PHACTR2: variants seen among roughly 807,000 people sequenced by gnomAD.
PHACTR2 encodes chromosome 6 open reading frame 56.
Under a neutral mutation model 76.0 loss-of-function variants are expected in PHACTR2, and 30 were observed. The ratio of observed to expected loss-of-function variants is 0.39; its 90% confidence interval spans 0.30 to 0.54. The LOEUF (loss-of-function observed/expected upper bound fraction) is 0.54. Ranked by LOEUF, PHACTR2 falls within the 20% of genes least tolerant of loss-of-function variation. PHACTR2 has a pLI of 0.61. For synonymous variants in PHACTR2, 292 were observed against 292.5 expected, an observed-to-expected ratio of 1.00 and a Z score of 0.02; for missense variants, 696 against 781.1, an observed-to-expected ratio of 0.89 and a Z score of 1.30.
rs1477131454 is a variant in PHACTR2, at chr6:143,765,862, G to A, written c.1232+64G>A. 1 of 1,366,414 alleles carries A rather than the reference G, an allele frequency of 7.3e-7. No individual in the cohort carries two copies. The highest frequency in any genetic ancestry group is 1.4e-5 in the African/African-American group (1 of 69,046). 84.6% of individuals were successfully genotyped at this position (1,366,414 alleles called of 1,614,324 possible). A position where few individuals can be genotyped will look rare whatever the true frequency, so the allele number is the denominator to read the frequency against. On this transcript the variant is annotated intron_variant, in intron 6 of 12. Transcript: ENST00000440869. This position sits in a 1 kb window ranked among gnomAD's most constrained non-coding sequence, Gnocchi z 4.1. ...TAAAGATCACTAATATATTCTGTTG[G>A]AAATGAAGCACCGGGTTTGCTTTCT...
At position 143,646,920 on chromosome 6, in the gene PHACTR2, C is replaced by T. The variant is rs186164422; in HGVS notation, c.13+38598C>T. On this transcript the variant is annotated intron_variant, in intron 1 of 11. Transcript: ENST00000305766. This position sits in a 1 kb window ranked among gnomAD's most constrained non-coding sequence, Gnocchi z 4.1. ...TTCTAACATAACAGTCTTCTGATCACGATGATTCTCTATAATCAACATTTC... is the reference window on the plus strand; with the variant it reads ...TTCTAACATAACAGTCTTCTGATCATGATGATTCTCTATAATCAACATTTC... Among the ~76,000 whole-genome samples, 7 of 152,312 alleles carry T rather than the reference C, an allele frequency of 4.6e-5. No individual in the cohort carries two copies. The highest frequency in any genetic ancestry group is 3.9e-4 in the East Asian group (2 of 5,192).
chr6:143,677,103 T>C (rs1041012313), upstream of PHACTR2, among the ~76,000 whole-genome samples: 1 of 152,184 alleles, frequency 6.6e-6, no homozygotes, highest in Non-Finnish European at 1.5e-5. Flanking sequence ...TTCAGCAAAG[T>C]GCACACATCA....
At chr6:143,691,329 C>T (rs1485973093) in intron 1 of PHACTR2, among the ~76,000 whole-genome samples, 1 of 151,850 alleles carries the variant, frequency 6.6e-6, no homozygotes, top group Non-Finnish European at 1.5e-5. Context: ...GTGTGTCTTT[C>T]TCTTTACTTG....
chr6:143,729,780 T>C (rs768688747), intron 2 of PHACTR2, among the ~76,000 whole-genome samples: 7 of 152,200 alleles, frequency 4.6e-5, no homozygotes, highest in Non-Finnish European at 1.0e-4. Flanking sequence ...TACTTGGTGA[T>C]ATTTTCTGCC....
In PHACTR2 at chr6:143,794,996, T is replaced by C. The variant is rs1245915511; in HGVS notation, c.1845+6086T>C. ...TTCTGTGAAGGAGGAAGGCCCTTGC[T>C]GGTTGTGGTGGGGAATCTCCGGAAT... On this transcript the variant is annotated intron_variant, in intron 11 of 12. Transcript: ENST00000440869. The surrounding 1 kb of genome is among the most constrained non-coding windows in gnomAD (Gnocchi z 4.1). Among the ~76,000 whole-genome samples, 9 of 152,218 alleles carry C rather than the reference T, an allele frequency of 5.9e-5. No individual in the cohort carries two copies. The East Asian group carries it at 1.3e-3, about 23-fold the overall frequency.
At chr6:143,693,033 A>C (rs1777682097) in intron 1 of PHACTR2, among the ~76,000 whole-genome samples, 1 of 152,140 alleles carries the variant, frequency 6.6e-6, no homozygotes, top group African/African-American at 2.4e-5. Context: ...GTGCCCACAC[A>C]CATCTGTGCT....
intron 12 of PHACTR2, among the ~76,000 whole-genome samples, chr6:143,812,744 A>G (rs985910922): frequency 4.6e-5 from 7 of 152,192 alleles, no homozygotes; most frequent in African/African-American, 1.4e-4. Context: ...CTACCCCTCA[A>G]CAGTGCCCAC....
intron 2 of PHACTR2, among the ~76,000 whole-genome samples, chr6:143,715,144 C>A (rs920387119): frequency 5.3e-5 from 8 of 152,164 alleles, no homozygotes; most frequent in Admixed American, 2.0e-4. Context: ...GCCTCCGAAC[C>A]ATTAAATTTA....
chr6:143,815,390 G>A (rs528987747), intron 12 of PHACTR2, among the ~76,000 whole-genome samples: 98 of 151,996 alleles, frequency 6.4e-4, no homozygotes, highest in African/African-American at 2.3e-3. Flanking sequence ...CACTCCAGCC[G>A]TATGACAAAG....
chr6:143,589,574 C>T lies in PHACTR2; in HGVS notation c.217+52367C>T, dbSNP rs1775666177. Among the ~76,000 whole-genome samples, 1 of 152,144 alleles carries T rather than the reference C, an allele frequency of 6.6e-6. No homozygotes were observed. The highest frequency in any genetic ancestry group is 6.5e-5 in the Admixed American group (1 of 15,274). The stretch of plus-strand genomic sequence containing the variant: ...GACTGATACAACTGCCGTCTTGTAT[C>T]CTCAGGTGGTCTTTTCTCTGTGTGT... On this transcript the variant is annotated intron_variant, in intron 1 of 11. Transcript: ENST00000367584. This position sits in a 1 kb window ranked among gnomAD's most constrained non-coding sequence, Gnocchi z 4.4.
At chr6:143,705,576 A>G (rs1019264316) in intron 1 of PHACTR2, among the ~76,000 whole-genome samples, 9 of 152,116 alleles carry the variant, frequency 5.9e-5, no homozygotes, top group East Asian at 1.9e-4. Flanking sequence ...GATTACAGGC[A>G]TGAGCCACCG....
At chr6:143,668,733 A>AT (rs1582752752) in intron 1 of PHACTR2, among the ~76,000 whole-genome samples, 1 of 152,110 alleles carries the variant, frequency 6.6e-6, no homozygotes, top group African/African-American at 2.4e-5. Context: ...CCCCTTTATC[A>AT]TTTTTTATCG....
intron 2 of PHACTR2, among the ~76,000 whole-genome samples, chr6:143,725,432 C>T (rs1235773681): frequency 4.0e-5 from 6 of 150,522 alleles, no homozygotes; most frequent in Admixed American, 2.6e-4. Flanking sequence ...GATCTCCTGA[C>T]CTCGTGATCC....
chr6:143,766,429 C>T (rs1779565497), intron 6 of PHACTR2, among the ~76,000 whole-genome samples: 1 of 152,128 alleles, frequency 6.6e-6, no homozygotes, highest in Non-Finnish European at 1.5e-5. Context: ...TCTGATATGC[C>T]ATAGGCACAC....
rs1472316574 is a variant in PHACTR2 at position 143,806,299 on chromosome 6, G to A, written c.1846-758G>A. 1.3e-5 allele frequency among the ~76,000 whole-genome samples: 2 copies of A among 152,102 alleles called. No individual in the cohort carries two copies. The highest frequency in any genetic ancestry group is 2.9e-5 in the Non-Finnish European group (2 of 68,006). On this transcript the variant is annotated intron_variant, in intron 11 of 12. Coordinates refer to ENST00000440869, the MANE Select transcript of PHACTR2 (RefSeq NM_001100164.2). This position sits in a 1 kb window ranked among gnomAD's most constrained non-coding sequence, Gnocchi z 5.8. ...GCATTCTATTTGATATTTTCTTTGG[G>A]TAGCTTTAAGGATTATGCTGAAATT...
chr6:143,790,348 G>A (rs867719258), intron 11 of PHACTR2, among the ~76,000 whole-genome samples: 12 of 152,048 alleles, frequency 7.9e-5, no homozygotes, highest in Admixed American at 2.0e-4. Flanking sequence ...ACATACAGGC[G>A]GAAAAGTCAG....
intron 12 of PHACTR2, among the ~76,000 whole-genome samples, chr6:143,815,729 TA>T (rs1446670040): frequency 6.6e-6 from 1 of 151,930 alleles, no homozygotes; most frequent in Non-Finnish European, 1.5e-5. Context: ...CTGTCTCTAC[TA>T]AAAATACAAA....
At chr6:143,607,213 C>G (rs1005673269), upstream of PHACTR2, among the ~76,000 whole-genome samples, 7 of 152,182 alleles carry the variant, frequency 4.6e-5, no homozygotes, top group African/African-American at 1.7e-4. Context: ...GAGAGCCTAA[C>G]TATACTGTGG....
intron 4 of PHACTR2, among the ~76,000 whole-genome samples, chr6:143,756,387 T>C (rs1482758560): frequency 2.0e-5 from 3 of 152,082 alleles, no homozygotes; most frequent in Non-Finnish European, 2.9e-5. Flanking sequence ...TCTCAGTAAG[T>C]GCCTTTATAT....
Sources: allele counts gnomAD v4.1 joint callset (sites outside exome capture counted in the v4.1 genomes callset), GRCh38; gene constraint gnomAD v4.1.1; non-coding constraint Gnocchi (gnomAD v3.1); transcripts MANE v1.5; gene names NCBI Gene and HGNC (gene_info 2026-07-23, HGNC 2026-07-21).